Variants in ARAP1 observed in about 807,000 individuals in gnomAD.
ARAP1 encodes arf-GAP with Rho-GAP domain, ANK repeat and PH domain-containing protein 1.
ARAP1 carries 76 observed loss-of-function variants against 172.2 expected under a neutral mutation model. The ratio of observed to expected loss-of-function variants is 0.44; its 90% CI spans 0.37 to 0.53. The LOEUF (loss-of-function observed/expected upper bound fraction) is 0.53, where lower values mean the gene tolerates loss of function less well. Ranked by LOEUF, ARAP1 falls within the 20% of genes least tolerant of loss-of-function variation. ARAP1 has a pLI of 0.00. For missense variants in ARAP1, 1,686 were observed against 1,977.5 expected (o/e 0.85, Z 2.80); for synonymous variants, 804 against 803.3 (o/e 1.00, Z -0.01).
intron 3 of ARAP1, chr11:72,721,945 A>AGCCTGGGTCCC (rs1322547479): frequency 2.0e-6 from 2 of 986,404 alleles, no homozygotes; most frequent in African/African-American, 3.5e-5. Flanking sequence ...TGCCCGTGCA[A>AGCCTGGGTCCC]GCCTGGGTCC....
Position 72,699,244 on chromosome 11 carries a change from G to A in ARAP1, c.2439-137C>T. The stretch of plus-strand genomic sequence containing the variant: ...CCTTATTCTGGTCCCCTAAGAGGTG[G>A]TGGAAAAGTCTTGGGCTGGGGCCTC... On this transcript the variant is annotated intron_variant, in intron 17 of 34. Coordinates refer to ENST00000393609, the MANE Select transcript of ARAP1 (RefSeq NM_001040118.3). This position sits in a 1 kb window ranked among gnomAD's most constrained non-coding sequence, Gnocchi z 4.2. 1 of 1,378,014 alleles carries A rather than the reference G, an allele frequency of 7.3e-7. No individual in the cohort carries two copies. Among genetic ancestry groups the A allele is most frequent in the South Asian group, 1.3e-5 (1 of 77,588 alleles). The allele number at this position is 1,378,014 out of a possible 1,614,324, so 85.4% of individuals were successfully genotyped here.
intron 1 of ARAP1, among the ~76,000 whole-genome samples, chr11:72,738,913 C>G (rs1268044935): frequency 1.3e-5 from 2 of 152,206 alleles, no homozygotes; most frequent in Admixed American, 6.5e-5. Context: ...CCCAATACCC[C>G]ACCCTTGGCC....
Position 72,707,328 on chromosome 11 carries a change from T to G in ARAP1, c.1570A>C (p.Met524Leu). The change falls in exon 12 of 35, where the codon ATG (methionine) becomes CTG (leucine). Residue 524 changes from methionine (M) to leucine (L), a missense_variant. Met to Leu is a conservative substitution (Grantham distance 15). This residue lies in a region of ARAP1 where 688 missense variants were observed against 856.9 expected (regional missense o/e 0.80). Transcript: ENST00000393609. Reference protein sequence around the residue: ...ELEKEQWLEAMQGAIAEALST... With the variant: ...ELEKEQWLEALQGAIAEALST... ...AGGGCCTCAGCGATGGCTCCCTGCA[T>G]GGCCTCCAACCACTGCTCCTTCTCT... 2 of 1,613,672 alleles carry G rather than the reference T, an allele frequency of 1.2e-6. No individual in the cohort carries two copies. The highest frequency in any genetic ancestry group is 1.7e-6 in the Non-Finnish European group (2 of 1,179,894).
chr11:72,740,930 A>G (rs1217133644), intron 1 of ARAP1, among the ~76,000 whole-genome samples: 1 of 152,122 alleles, frequency 6.6e-6, no homozygotes, highest in Non-Finnish European at 1.5e-5. Flanking sequence ...CCCCAACCCA[A>G]AAGAGGGTCA....
chr11:72,697,730 C>T lies in ARAP1; in HGVS notation c.2738-81G>A. On this transcript the variant is annotated intron_variant, in intron 19 of 34. Coordinates refer to ENST00000393609, the MANE Select transcript of ARAP1 (RefSeq NM_001040118.3). ...CTCCCTCCCTCTGTGAGCACACACACACCCTTGAGACCCGCCCACCAATGT... is the reference window on the plus strand; with the variant it reads ...CTCCCTCCCTCTGTGAGCACACACATACCCTTGAGACCCGCCCACCAATGT... 5 of 1,586,238 alleles carry T rather than the reference C, an allele frequency of 3.2e-6. No homozygotes were observed. In the South Asian group the frequency reaches 3.4e-5, roughly 11 times the overall value.
chr11:72,697,555 T>G (rs1856268593), intron 20 of ARAP1, 43 bp downstream of exon 20: 1 of 1,613,468 alleles, frequency 6.2e-7, no homozygotes. Context: ...CCCATCAGAC[T>G]GCTCCAGCCT....
intron 32 of ARAP1, 65 bp from the exon 33 acceptor site, chr11:72,687,567 G>A: frequency 6.2e-7 from 1 of 1,613,104 alleles, no homozygotes; most frequent in Non-Finnish European, 8.5e-7. Flanking sequence ...CACCGTGTCT[G>A]CCTTCCCAGC....
At chr11:72,728,314 G>A (rs1857758247) in intron 2 of ARAP1, among the ~76,000 whole-genome samples, 1 of 152,190 alleles carries the variant, frequency 6.6e-6, no homozygotes, top group South Asian at 2.1e-4. Context: ...AGACTGGCCG[G>A]GCACAACTAT....
chr11:72,743,450 G>T (rs73543237), intron 1 of ARAP1, among the ~76,000 whole-genome samples: 1 of 150,366 alleles, frequency 6.7e-6, no homozygotes, highest in Admixed American at 6.6e-5. Flanking sequence ...ACGGAGGCAA[G>T]AAGAGGGTGG....
intron 11 of ARAP1, among the ~76,000 whole-genome samples, chr11:72,709,559 G>A (rs1856915084): frequency 6.6e-6 from 1 of 152,218 alleles, no homozygotes; most frequent in Non-Finnish European, 1.5e-5. Context: ...CACTCTCCAG[G>A]GGTGGCGTAG....
intron 11 of ARAP1, among the ~76,000 whole-genome samples, chr11:72,709,657 T>C (rs1856920397): frequency 6.6e-6 from 1 of 151,376 alleles, no homozygotes; most frequent in Admixed American, 6.6e-5. Context: ...AGGACAGCAG[T>C]TGCCAAGCAG....
rs992611742 is a variant in ARAP1, at chr11:72,741,230, C to T, written c.-127-8633G>A. 2.6e-5 allele frequency among the ~76,000 whole-genome samples: 4 copies of T among 152,018 alleles called. No individual in the cohort carries two copies. The highest frequency in any genetic ancestry group is 7.2e-5 in the African/African-American group (3 of 41,384). On this transcript the variant is annotated intron_variant, in intron 1 of 34. Transcript: ENST00000393609. The surrounding 1 kb of genome is among the most constrained non-coding windows in gnomAD (Gnocchi z 4.5). ...CTTGCCTGGACTTCTGGGCCCTCACCGCTGCCTCCTGCCTCTGCCCCCTGC... is the reference window on the plus strand; with the variant it reads ...CTTGCCTGGACTTCTGGGCCCTCACTGCTGCCTCCTGCCTCTGCCCCCTGC...
At chr11:72,722,393 C>T (rs1056640723) in intron 3 of ARAP1, 5 of 982,042 alleles carry the variant, frequency 5.1e-6, no homozygotes, top group East Asian at 1.1e-4. Context: ...ACTTCCTCCC[C>T]GCCCCCAGGC....
At chr11:72,722,342 C>T in intron 3 of ARAP1, 1 of 985,526 alleles carries the variant, frequency 1.0e-6, no homozygotes, top group Non-Finnish European at 1.2e-6. Flanking sequence ...CCTGAAAACA[C>T]TGAGAAAGCG....
Position 72,695,122 on chromosome 11 carries a change from G to T in ARAP1, c.3577-25C>A, listed in dbSNP as rs754994959. 8.1e-6 allele frequency: 13 copies of T among 1,606,486 alleles called. No homozygotes were observed. The South Asian group carries it at 1.3e-4, about 16-fold the overall frequency. ...CCTGCAAGGACCAAGGAGGAGATTA[G>T]CCTGCCTGTGCCTAGCCCCTGCTCT... is the stretch of plus-strand genomic sequence containing the variant. On this transcript the variant is annotated intron_variant, in intron 26 of 34. Transcript: ENST00000393609. The surrounding 1 kb of genome is among the most constrained non-coding windows in gnomAD (Gnocchi z 4.4).
In ARAP1 at chr11:72,713,206, C is replaced by T. The variant is rs761289421; in HGVS notation, c.717G>A (p.Pro239=). The T allele has an allele frequency of 4.3e-5, 69 of 1,613,460 alleles. No homozygotes were observed. Among genetic ancestry groups the T allele is most frequent in the Middle Eastern group, 3.3e-4 (2 of 6,080 alleles). Residue 239 remains proline, a synonymous_variant, in exon 5 of 35, where the codon CCG becomes CCA. Transcript: ENST00000393609. ...SDYDEVPEEG[P]GAPARVMTKK... ...TGGTCATCACTCTGGCTGGGGCCCC[C>T]GGCCCCTCCTCTGGGACCTCATCGT...
At position 72,695,467 on chromosome 11, in the gene ARAP1, C is replaced by T. The variant is rs1856144262; in HGVS notation, c.3508-12G>A. Reference sequence around the variant, plus strand: ...AAGTCACCGGCATGCTGCAGGGAGACAGGGCTCAGCTGGGGGCCTAGGAAA... The same window carrying T: ...AAGTCACCGGCATGCTGCAGGGAGATAGGGCTCAGCTGGGGGCCTAGGAAA... On this transcript the variant is annotated splice_polypyrimidine_tract_variant and intron_variant, in intron 25 of 34. Coordinates refer to ENST00000393609, the MANE Select transcript of ARAP1 (RefSeq NM_001040118.3). The surrounding 1 kb of genome is among the most constrained non-coding windows in gnomAD (Gnocchi z 4.4). 9 of 1,614,246 alleles carry T rather than the reference C, an allele frequency of 5.6e-6. No individual in the cohort carries two copies. The highest frequency in any genetic ancestry group is 7.6e-6 in the Non-Finnish European group (9 of 1,180,048).
intron 30 of ARAP1, among the ~76,000 whole-genome samples, chr11:72,690,312 G>C (rs188119931): frequency 6.6e-6 from 1 of 152,160 alleles, no homozygotes; most frequent in Non-Finnish European, 1.5e-5. Flanking sequence ...CGATTCCTTG[G>C]GGTCTGATGT....
chr11:72,722,053 A>C (rs1552224), intron 3 of ARAP1: 143,187 of 985,342 alleles, frequency 0.15, 11,185 homozygotes, highest in South Asian at 0.18. Flanking sequence ...ATGGCTTTGC[A>C]CCTGTGATTT....
Sources: allele counts gnomAD v4.1 joint callset (sites outside exome capture counted in the v4.1 genomes callset), GRCh38; gene constraint gnomAD v4.1.1; regional missense constraint gnomAD v4.1.1; non-coding constraint Gnocchi (gnomAD v3.1); transcripts MANE v1.5; gene names NCBI Gene and HGNC (gene_info 2026-07-23, HGNC 2026-07-21).